The following CCDC3 variants were observed in gnomAD, a reference collection of about 807,000 sequenced individuals.
CCDC3 encodes coiled-coil domain-containing protein 3.
CCDC3 carries 24 observed loss-of-function variants against 21.4 expected under a neutral mutation model. That is an observed-to-expected ratio of 1.12 (90% CI 0.81 to 1.58). The LOEUF (loss-of-function observed/expected upper bound fraction) is 1.58, where lower values mean the gene tolerates loss of function less well. CCDC3 is among the 40% of genes most tolerant of loss of function. CCDC3 has a pLI of 0.00. For synonymous variants in CCDC3, 186 were observed against 166.0 expected (o/e 1.12, Z -0.93); for missense variants, 425 against 360.9 (o/e 1.18, Z -1.44).
At chr10:13,015,911 AT>A (rs1836052636) in intron 5 of CCDC3, among the ~76,000 whole-genome samples, 2 of 152,112 alleles carry the variant, frequency 1.3e-5, no homozygotes, top group African/African-American at 2.4e-5. Flanking sequence ...TAGTAAAAAA[AT>A]AATTGAATTG....
At position 13,021,271 on chromosome 10, in the gene CCDC3, T is replaced by A. The variant is rs551799401; in HGVS notation, c.-1-22759A>T. ...AATACACCAATTCAAGGTACCATCATTTTCTCTCCATCTTTTTACTCCTAT... is the reference window on the plus strand; with the variant it reads ...AATACACCAATTCAAGGTACCATCAATTTCTCTCCATCTTTTTACTCCTAT... On this transcript the variant is annotated intron_variant, in intron 5 of 6. Transcript: ENST00000378839. 3.3e-5 allele frequency among the ~76,000 whole-genome samples: 5 copies of A among 152,330 alleles called. No homozygotes were observed. The East Asian group carries it at 9.6e-4, about 29-fold the overall frequency.
intron 2 of CCDC3, among the ~76,000 whole-genome samples, chr10:12,974,038 C>G (rs1043895245): frequency 6.6e-6 from 1 of 152,200 alleles, no homozygotes; most frequent in Non-Finnish European, 1.5e-5. Context: ...CTCCAAGAAC[C>G]AGGCAGCATT....
In CCDC3 at chr10:12,898,212, G is replaced by A; in HGVS notation, c.*204C>T. The A allele has an allele frequency of 1.6e-6, 1 of 637,224 alleles. No homozygotes were observed. Among genetic ancestry groups the A allele is most frequent in the Non-Finnish European group, 2.7e-6 (1 of 376,000 alleles). 39.5% of individuals were successfully genotyped at this position (637,224 alleles called of 1,614,324 possible). Reference sequence around the variant, plus strand: ...AGGCACTGCGTCTGGGGTCAGGCCAGGAAGGGGCAGCGCGTGGGGTCTGAC... The same window carrying A: ...AGGCACTGCGTCTGGGGTCAGGCCAAGAAGGGGCAGCGCGTGGGGTCTGAC... On this transcript the variant is annotated 3_prime_UTR_variant, in exon 3 of 3. Transcript: ENST00000378825.
intron 2 of CCDC3, among the ~76,000 whole-genome samples, chr10:12,910,949 A>C (rs1335449430): frequency 2.6e-5 from 4 of 152,206 alleles, no homozygotes; most frequent in Admixed American, 2.6e-4. Flanking sequence ...TCCCCAGTGC[A>C]TAGTTGCGGC....
intron 2 of CCDC3, among the ~76,000 whole-genome samples, chr10:12,978,019 CTTT>C (rs532349051): frequency 6.9e-6 from 1 of 144,094 alleles, no homozygotes; most frequent in Non-Finnish European, 1.5e-5. Flanking sequence ...TTTCCACACT[CTTT>C]TTTTTTTTTT....
At chr10:12,935,106 G>T (rs568232537) in intron 2 of CCDC3, among the ~76,000 whole-genome samples, 1 of 151,926 alleles carries the variant, frequency 6.6e-6, no homozygotes, top group African/African-American at 2.4e-5. Context: ...TGCCCTTGCT[G>T]GTCTCAAGCA....
rs531321582 is a variant in CCDC3, at chr10:12,944,489, C to A, written c.550-45810G>T. On this transcript the variant is annotated intron_variant, in intron 2 of 2. Transcript: ENST00000378825. ...TTTGAGATGTCCTGCTTTCCTGGGC[C>A]GAATCAATGTATTCATTTCATCTAT... is the stretch of plus-strand genomic sequence containing the variant. Among the ~76,000 whole-genome samples the A allele has an allele frequency of 1.7e-4, 26 of 152,250 alleles. No individual in the cohort carries two copies. In the South Asian group the frequency reaches 5.2e-3, roughly 30 times the overall value.
At chr10:13,065,496 T>C (rs1214112584) in intron 4 of CCDC3, among the ~76,000 whole-genome samples, 2 of 152,218 alleles carry the variant, frequency 1.3e-5, no homozygotes, top group East Asian at 3.8e-4. Flanking sequence ...GTTAATGAGA[T>C]TATAGTTTTA....
intron 5 of CCDC3, among the ~76,000 whole-genome samples, chr10:13,033,557 C>A (rs2668916): frequency 0.38 from 56,768 of 151,234 alleles, 11,025 homozygotes; most frequent in East Asian, 0.7. Flanking sequence ...AACAGGCAAC[C>A]TACAGAATGG....
intron 2 of CCDC3, among the ~76,000 whole-genome samples, chr10:12,934,025 G>A (rs1834695322): frequency 6.6e-6 from 1 of 152,076 alleles, no homozygotes; most frequent in African/African-American, 2.4e-5. Context: ...AAAAGTGGAA[G>A]TTCAGGCCAC....
intron 2 of CCDC3, among the ~76,000 whole-genome samples, chr10:12,904,720 A>G (rs1834145473): frequency 6.6e-6 from 1 of 152,130 alleles, no homozygotes; most frequent in Non-Finnish European, 1.5e-5. Flanking sequence ...CGGGAAGCTC[A>G]GGTGTGAGAA....
intron 2 of CCDC3, among the ~76,000 whole-genome samples, chr10:12,973,209 G>C (rs1485866146): frequency 1.3e-5 from 2 of 152,178 alleles, no homozygotes; most frequent in African/African-American, 4.8e-5. Flanking sequence ...TGGATTACAG[G>C]GGAAGGGAGT....
At chr10:12,901,434 G>A (rs1277782138) in intron 2 of CCDC3, among the ~76,000 whole-genome samples, 2 of 151,960 alleles carry the variant, frequency 1.3e-5, no homozygotes, top group Non-Finnish European at 2.9e-5. Context: ...CACCAAGCCC[G>A]GCTCATTTTT....
intron 5 of CCDC3, among the ~76,000 whole-genome samples, chr10:13,031,983 T>A (rs1343157950): frequency 3.9e-5 from 6 of 152,184 alleles, no homozygotes; most frequent in Non-Finnish European, 7.3e-5. Context: ...CTTCCCTAAC[T>A]CATTTTATGA....
At chr10:13,015,543 G>T (rs1439812755) in intron 5 of CCDC3, among the ~76,000 whole-genome samples, 16 of 152,068 alleles carry the variant, frequency 1.1e-4, no homozygotes. Context: ...CGACTGCCTT[G>T]CAAAGGTGGT....
chr10:13,069,806 T>C (rs548383202), intron 4 of CCDC3, among the ~76,000 whole-genome samples: 32 of 152,240 alleles, frequency 2.1e-4, no homozygotes, highest in Non-Finnish European at 3.8e-4. Flanking sequence ...GGTTATTAAG[T>C]TATTGTAAAC....
chr10:13,012,600 G>C (rs377403452), intron 5 of CCDC3, among the ~76,000 whole-genome samples: 1 of 151,898 alleles, frequency 6.6e-6, no homozygotes, highest in Non-Finnish European at 1.5e-5. Context: ...GGTGGGAGGA[G>C]GGAGAAGTTC....
intron 2 of CCDC3, among the ~76,000 whole-genome samples, chr10:12,951,292 G>C (rs959113009): frequency 1.3e-5 from 2 of 152,078 alleles, no homozygotes; most frequent in Non-Finnish European, 2.9e-5. Context: ...AGTAGGCCAA[G>C]CTAGAGAGAG....
rs576355813 is a variant in CCDC3 at position 13,072,499 on chromosome 10, G to A, written c.-270+1369C>T. On this transcript the variant is annotated intron_variant, in intron 4 of 6. Coordinates refer to the CCDC3 transcript ENST00000378839. The stretch of plus-strand genomic sequence containing the variant: ...TGTTTACATCAGATGCTTCTGTACA[G>A]ATGAGGGAACATGCCCAGGGCTTCA... 1.4e-4 allele frequency among the ~76,000 whole-genome samples: 21 copies of A among 152,322 alleles called. No homozygotes were observed. In the South Asian group the frequency reaches 4.4e-3, roughly 32 times the overall value.
Sources: allele counts gnomAD v4.1 joint callset (sites outside exome capture counted in the v4.1 genomes callset), GRCh38; gene constraint gnomAD v4.1.1; transcripts MANE v1.5; gene names NCBI Gene and HGNC (gene_info 2026-07-23, HGNC 2026-07-21).